TMCO6: variants seen among roughly 807,000 people sequenced by gnomAD.
The protein encoded by TMCO6 is transmembrane and coiled-coil domain-containing protein 6.
TMCO6 carries 47 observed loss-of-function variants against 61.8 expected under a neutral mutation model. That is an observed-to-expected ratio of 0.76 (90% confidence interval 0.60 to 0.97). TMCO6 has a LOEUF of 0.97. Among genes scored for constraint, TMCO6 ranks in the 50% least tolerant of loss-of-function variants. The pLI is 0.00. For missense variants in TMCO6, 557 were observed against 601.6 expected, an observed-to-expected ratio of 0.93 and a Z score of 0.78; for synonymous variants, 261 against 254.2, an observed-to-expected ratio of 1.03 and a Z score of -0.25.
the TMCO6 span, among the ~76,000 whole-genome samples, chr5:140,609,932 G>T: frequency 6.6e-6 from 1 of 151,944 alleles, no homozygotes; most frequent in Non-Finnish European, 1.5e-5. Context: ...GAATGCAGTG[G>T]TACTATCATA....
upstream of TMCO6, chr5:140,639,326 C>A: frequency 1.7e-6 from 1 of 585,134 alleles, no homozygotes; most frequent in East Asian, 3.0e-5. Flanking sequence ...AGTGGTGCAG[C>A]GTCTCTAGCC....
the TMCO6 span, among the ~76,000 whole-genome samples, chr5:140,630,765 G>A: frequency 6.6e-6 from 1 of 152,186 alleles, no homozygotes; most frequent in South Asian, 2.1e-4. Context: ...GGTAATGTCT[G>A]TAACTCTCTT....
the TMCO6 span, chr5:140,632,572 C>T: frequency 1.2e-6 from 2 of 1,613,968 alleles, no homozygotes; most frequent in East Asian, 2.2e-5. This position sits in a 1 kb window ranked among gnomAD's most constrained non-coding sequence, Gnocchi z 6.2. Context: ...CCTGTGGCTT[C>T]CAGAGGCAGC....
chr5:140,624,690 A>AT, the TMCO6 span, among the ~76,000 whole-genome samples: 6 of 144,168 alleles, frequency 4.2e-5, no homozygotes, highest in East Asian at 6.2e-4. Context: ...GCTGGGGCTA[A>AT]TTTTTTTTTG....
the TMCO6 span, among the ~76,000 whole-genome samples, chr5:140,602,505 G>A: frequency 6.6e-6 from 1 of 152,132 alleles, no homozygotes; most frequent in East Asian, 1.9e-4. Context: ...GCTCACACCT[G>A]TAATCCCAGC....
downstream of TMCO6, among the ~76,000 whole-genome samples, chr5:140,646,181 T>G (rs1356877380): frequency 6.6e-6 from 1 of 152,014 alleles, no homozygotes; most frequent in African/African-American, 2.4e-5. Flanking sequence ...CGGCTAATTT[T>G]TGTATGTTTA....
chr5:140,641,067 T>G (rs1756997940), intron 2 of TMCO6: 1 of 154,902 alleles, frequency 6.5e-6, no homozygotes, highest in South Asian at 2.0e-4. Context: ...ATAGAGTCCT[T>G]TTCTTTGAGG....
chr5:140,599,416 G>A, the TMCO6 span, among the ~76,000 whole-genome samples: 2 of 152,180 alleles, frequency 1.3e-5, no homozygotes, highest in Non-Finnish European at 2.9e-5. Flanking sequence ...ATATGATCAC[G>A]TCAGTATGCA....
the TMCO6 span, among the ~76,000 whole-genome samples, chr5:140,629,755 G>A: frequency 6.6e-6 from 1 of 152,100 alleles, no homozygotes; most frequent in East Asian, 2.0e-4. Context: ...CCAACACGGA[G>A]AAACCCTGTC....
the TMCO6 span, chr5:140,632,186 GT>G: frequency 6.2e-7 from 1 of 1,613,814 alleles, no homozygotes; most frequent in Non-Finnish European, 8.5e-7. This position sits in a 1 kb window ranked among gnomAD's most constrained non-coding sequence, Gnocchi z 6.2. Context: ...GAGCGCTAGG[GT>G]TTACGGTGGC....
chr5:140,642,639 A>G lies in TMCO6; in HGVS notation c.657A>G (p.Leu219=). 6.2e-7 allele frequency: 1 copy of G among 1,614,196 alleles called. No individual in the cohort carries two copies. The highest frequency in any genetic ancestry group is 8.5e-7 in the Non-Finnish European group (1 of 1,180,040). The part of the protein sequence containing the change: ...EALGYALSQL[L]QAEEAPEKII... The stretch of plus-strand genomic sequence containing the variant: ...TCGGATATGCCTTGTCCCAGCTTCT[A>G]CAGGCTGAGGAAGCTCCAGAGAAGA... Residue 219 remains leucine, a synonymous_variant, in exon 6 of 12, where the codon CTA becomes CTG. Transcript: ENST00000394671.
In TMCO6 at chr5:140,642,732, G is replaced by A. The variant is rs115811085; in HGVS notation, c.689+61G>A. On this transcript the variant is annotated intron_variant, in intron 6 of 11. Transcript: ENST00000394671. Reference sequence around the variant, plus strand: ...TGACCCACTCAGTAGTATAGCTCCCGGATGCCTGAATGATTTCCAAAGCTG... The same window carrying A: ...TGACCCACTCAGTAGTATAGCTCCCAGATGCCTGAATGATTTCCAAAGCTG... 1,426 of 1,589,292 alleles carry A rather than the reference G, an allele frequency of 9.0e-4. 18 individuals carry two copies. In the African/African-American group the frequency reaches 0.017, roughly 19 times the overall value.
At chr5:140,613,219 T>A in the TMCO6 span, among the ~76,000 whole-genome samples, 8 of 151,942 alleles carry the variant, frequency 5.3e-5, no homozygotes, top group African/African-American at 1.9e-4. Flanking sequence ...TGAAACCCTG[T>A]CTCTACTAAA....
the TMCO6 span, among the ~76,000 whole-genome samples, chr5:140,597,070 A>G: frequency 6.6e-6 from 1 of 152,186 alleles, no homozygotes; most frequent in Non-Finnish European, 1.5e-5. Context: ...AAGACCAGAC[A>G]TATTCTTTAT....
chr5:140,642,816 C>T (rs1757123641), intron 6 of TMCO6, 109 bp from the exon 7 acceptor site: 1 of 1,597,498 alleles, frequency 6.3e-7, no homozygotes, highest in Non-Finnish European at 8.6e-7. Flanking sequence ...GACACTTTCC[C>T]ATCTGGGCAG....
chr5:140,611,151 C>T, the TMCO6 span, among the ~76,000 whole-genome samples: 1 of 152,152 alleles, frequency 6.6e-6, no homozygotes, highest in Non-Finnish European at 1.5e-5. Flanking sequence ...ACTCTCTCTT[C>T]CAGACTAAGA....
chr5:140,647,538 G>A (rs1287014184), downstream of TMCO6: 1 of 1,612,224 alleles, frequency 6.2e-7, no homozygotes, highest in Non-Finnish European at 8.5e-7. Context: ...ATCTCACGCA[G>A]GCCCAGCTTT....
chr5:140,645,779 G>A (rs374500330), downstream of TMCO6: 25 of 1,555,404 alleles, frequency 1.6e-5, no homozygotes, highest in Non-Finnish European at 2.2e-5. Context: ...GTTAAGACAG[G>A]AAGAGTATTA....
chr5:140,618,607 C>A, the TMCO6 span, among the ~76,000 whole-genome samples: 1 of 151,950 alleles, frequency 6.6e-6, no homozygotes. Flanking sequence ...GTATTAAGCC[C>A]AGTACCCAAT....
Sources: allele counts gnomAD v4.1 joint callset (sites outside exome capture counted in the v4.1 genomes callset), GRCh38; gene constraint gnomAD v4.1.1; non-coding constraint Gnocchi (gnomAD v3.1); transcripts MANE v1.5; gene names NCBI Gene and HGNC (gene_info 2026-07-23, HGNC 2026-07-21).